The following SMAP1 variants were observed in gnomAD, a reference collection of about 807,000 sequenced individuals.
SMAP1 encodes the protein stromal membrane-associated protein 1.
Under a neutral mutation model 58.5 loss-of-function variants are expected in SMAP1, and 24 were observed. The ratio of observed to expected loss-of-function variants is 0.41; its 90% confidence interval spans 0.30 to 0.58. The LOEUF (loss-of-function observed/expected upper bound fraction) is 0.58. SMAP1 is among the 20% of genes least tolerant of loss of function. The probability of loss-of-function intolerance (pLI) is 0.29; values close to 1 mark genes in which losing one functional copy is unlikely to be tolerated. For synonymous variants in SMAP1, 216 were observed against 196.6 expected (o/e 1.10, Z -0.82); for missense variants, 563 against 566.3 (o/e 0.99, Z 0.06).
At chr6:70,736,399 C>G (rs1054073291) in intron 2 of SMAP1, among the ~76,000 whole-genome samples, 1 of 151,912 alleles carries the variant, frequency 6.6e-6, no homozygotes, top group African/African-American at 2.4e-5. Context: ...TCCCCTCCCC[C>G]CACCCAAGAT....
chr6:70,726,977 TTTTTGGCTATATATTACAG>T (rs2149854738), intron 1 of SMAP1, among the ~76,000 whole-genome samples: 1 of 152,042 alleles, frequency 6.6e-6, no homozygotes, highest in Non-Finnish European at 1.5e-5. Context: ...AATGTTATAT[TTTTTGGCTATATATTACAG>T]TATAGCTGAA....
chr6:70,808,494 C>G (rs563597634), intron 6 of SMAP1, among the ~76,000 whole-genome samples: 6 of 152,282 alleles, frequency 3.9e-5, no homozygotes, highest in African/African-American at 1.2e-4. Flanking sequence ...GAAACGGTTG[C>G]CGCGGAAGAA....
chr6:70,732,907 C>T (rs1765483620), intron 2 of SMAP1, among the ~76,000 whole-genome samples: 3 of 151,956 alleles, frequency 2.0e-5, no homozygotes, highest in Admixed American at 2.0e-4. Flanking sequence ...CTGAGGTGTT[C>T]TTAGTTTTCA....
chr6:70,819,189 A>G (rs1393104653), intron 6 of SMAP1, among the ~76,000 whole-genome samples: 1 of 152,184 alleles, frequency 6.6e-6, no homozygotes. Context: ...TGTAGCATGT[A>G]AAAGTACTGC....
intron 7 of SMAP1, 37 bp downstream of exon 7, chr6:70,837,065 C>T (rs1478395777): frequency 6.9e-7 from 1 of 1,448,616 alleles, no homozygotes; most frequent in East Asian, 2.5e-5. Context: ...GCTGGAGTTA[C>T]AAAACAATTG....
At chr6:70,724,862 T>A (rs1229468059) in intron 1 of SMAP1, among the ~76,000 whole-genome samples, 1 of 151,878 alleles carries the variant, frequency 6.6e-6, no homozygotes, top group African/African-American at 2.4e-5. Context: ...TATTATATAA[T>A]GAAATATGTT....
chr6:70,671,867 A>G (rs1169449387), intron 1 of SMAP1, among the ~76,000 whole-genome samples: 1 of 152,172 alleles, frequency 6.6e-6, no homozygotes, highest in African/African-American at 2.4e-5. Context: ...CCGTCTATTG[A>G]TGAACATTTG....
At chr6:70,727,484 C>T (rs1765231560) in intron 1 of SMAP1, among the ~76,000 whole-genome samples, 1 of 152,128 alleles carries the variant, frequency 6.6e-6, no homozygotes, top group East Asian at 1.9e-4. Context: ...TAATTTTTAC[C>T]TCTTCTATGT....
chr6:70,716,658 C>G (rs1444405722), intron 1 of SMAP1, among the ~76,000 whole-genome samples: 1 of 151,910 alleles, frequency 6.6e-6, no homozygotes, highest in Non-Finnish European at 1.5e-5. Context: ...TGTTACTGGA[C>G]CCATCTTTTG....
chr6:70,755,054 A>C lies in SMAP1; in HGVS notation c.327A>C (p.Pro109=). Residue 109 remains proline, a synonymous_variant, in exon 3 of 11, where the codon CCA becomes CCC. Coordinates refer to ENST00000370455, the MANE Select transcript of SMAP1 (RefSeq NM_001044305.3). ...ATCTTCCAGAGAACTTTCGAAGACC[A>C]CAGACAGATCAGTATCCTTTAAAAC... The part of the protein sequence containing the change: ...EANLPENFRR[P]QTDQAVEFFI... 6 of 1,608,770 alleles carry C rather than the reference A, an allele frequency of 3.7e-6. No homozygotes were observed. Among genetic ancestry groups the C allele is most frequent in the Non-Finnish European group, 5.1e-6 (6 of 1,176,176 alleles).
chr6:70,860,470 C>T lies in SMAP1; in HGVS notation c.*136C>T, dbSNP rs368074386. On this transcript the variant is annotated 3_prime_UTR_variant, in exon 11 of 11. Coordinates refer to ENST00000370455, the MANE Select transcript of SMAP1 (RefSeq NM_001044305.3). ...TCATATTAAGAATGATCTGATTGAC[C>T]GTGTTGGTCTGTACTGATTCAATTT... The T allele has an allele frequency of 2.1e-5, 22 of 1,067,994 alleles. No individual in the cohort carries two copies. Among genetic ancestry groups the T allele is most frequent in the Middle Eastern group, 2.6e-4 (1 of 3,920 alleles). The allele number at this position is 1,067,994 out of a possible 1,614,324, so 66.2% of individuals were successfully genotyped here.
intron 1 of SMAP1, among the ~76,000 whole-genome samples, chr6:70,677,947 G>C (rs926442266): frequency 2.0e-5 from 3 of 152,048 alleles, no homozygotes; most frequent in Non-Finnish European, 2.9e-5. Context: ...TGTTTAACTT[G>C]GAGTGGCATT....
intron 7 of SMAP1, among the ~76,000 whole-genome samples, chr6:70,839,206 A>G (rs536381650): frequency 6.4e-4 from 98 of 152,196 alleles, no homozygotes; most frequent in African/African-American, 2.3e-3. Context: ...CATTTGATAC[A>G]TTTTCTACCT....
chr6:70,712,893 A>G (rs1768116113), intron 1 of SMAP1, among the ~76,000 whole-genome samples: 1 of 149,990 alleles, frequency 6.7e-6, no homozygotes, highest in African/African-American at 2.5e-5. Context: ...TTCCGGGTTC[A>G]AGTGATTCTT....
rs1771146362 is a variant in SMAP1, at chr6:70,850,539, CATAT to C, written c.665-1997_665-1994del. Among the ~76,000 whole-genome samples, 3 of 151,138 alleles carry C rather than the reference CATAT, an allele frequency of 2.0e-5. No homozygotes were observed. In the South Asian group the frequency reaches 6.3e-4, roughly 32 times the overall value. ...ATTTTATAAACATTTAAAATTTGTA[CATAT>C]ATAAGTATATATACATTTTATATAT... On this transcript the variant is annotated intron_variant, in intron 7 of 10. Coordinates refer to ENST00000370455, the MANE Select transcript of SMAP1 (RefSeq NM_001044305.3).
At chr6:70,786,975 A>C (rs950335101) in intron 4 of SMAP1, among the ~76,000 whole-genome samples, 1 of 152,198 alleles carries the variant, frequency 6.6e-6, no homozygotes, top group South Asian at 2.1e-4. Flanking sequence ...GAACCAAAAA[A>C]GAGCCCGCAT....
At position 70,837,857 on chromosome 6, in the gene SMAP1, T is replaced by C. The variant is rs759898738; in HGVS notation, c.664+829T>C. 4.0e-6 allele frequency: 5 copies of C among 1,263,448 alleles called. No homozygotes were observed. The South Asian group carries it at 6.9e-5, about 18-fold the overall frequency. The allele number at this position is 1,263,448 out of a possible 1,614,324, so 78.3% of individuals were successfully genotyped here. On this transcript the variant is annotated intron_variant, in intron 7 of 10. Coordinates refer to ENST00000370455, the MANE Select transcript of SMAP1 (RefSeq NM_001044305.3). ...AAGAGTTGACCTTCATGTACTGCTT[T>C]CCAAAAAATTGATCCTAGTTGTTAT...
rs189331470 is a variant in SMAP1, at chr6:70,718,100, C to T, written c.119-14278C>T. The stretch of plus-strand genomic sequence containing the variant: ...AATTTTTTTGGTGTTTTTTTTTCCC[C>T]TTCCGACTTAAAAAATTTTATTGTT... On this transcript the variant is annotated intron_variant, in intron 1 of 10. Transcript: ENST00000370455. Among the ~76,000 whole-genome samples the T allele has an allele frequency of 3.8e-3, 575 of 152,064 alleles. 19 individuals carry two copies. Among genetic ancestry groups the T allele is most frequent in the Admixed American group, 0.035 (529 of 15,264 alleles).
chr6:70,744,603 T>C (rs1026146686), intron 2 of SMAP1, among the ~76,000 whole-genome samples: 1 of 152,242 alleles, frequency 6.6e-6, no homozygotes, highest in Admixed American at 6.5e-5. Flanking sequence ...TCCAAGTCTT[T>C]GTTATTGTGA....
Sources: allele counts gnomAD v4.1 joint callset (sites outside exome capture counted in the v4.1 genomes callset), GRCh38; gene constraint gnomAD v4.1.1; transcripts MANE v1.5; gene names NCBI Gene and HGNC (gene_info 2026-07-23, HGNC 2026-07-21).